The following CTNNA2 variants were observed in gnomAD, a reference collection of about 807,000 sequenced individuals.
The protein encoded by CTNNA2 is catenin alpha-2.
Under a neutral mutation model 101.0 loss-of-function variants are expected in CTNNA2, and 42 were observed. The observed-to-expected ratio is 0.42, with a 90% CI of 0.32 to 0.54. The LOEUF is 0.54. CTNNA2 is among the 20% of genes least tolerant of loss of function. The probability of loss-of-function intolerance (pLI) is 0.14; values close to 1 mark genes in which losing one functional copy is unlikely to be tolerated. For synonymous variants in CTNNA2, 450 were observed against 456.4 expected (o/e 0.99, Z 0.18); for missense variants, 871 against 1,223.1 (o/e 0.71, Z 4.29).
At chr2:80,006,684 A>G (rs1303963852) in intron 7 of CTNNA2, among the ~76,000 whole-genome samples, 2 of 152,158 alleles carry the variant, frequency 1.3e-5, no homozygotes, top group African/African-American at 4.8e-5. Flanking sequence ...AGTTTCCAGG[A>G]TGGGTGTGGA....
intron 2 of CTNNA2, among the ~76,000 whole-genome samples, chr2:79,728,438 C>T (rs916131561): frequency 1.3e-5 from 2 of 151,920 alleles, no homozygotes; most frequent in African/African-American, 4.8e-5. Context: ...TTGTTTTTTT[C>T]TTGTAAATTT....
intron 7 of CTNNA2, among the ~76,000 whole-genome samples, chr2:80,309,931 A>G (rs1015307522): frequency 2.3e-5 from 3 of 133,158 alleles, no homozygotes; most frequent in Non-Finnish European, 4.9e-5. Context: ...AACAAACTCT[A>G]ATAGAGTTTG....
At chr2:79,547,320 C>G (rs1673800312) in intron 1 of CTNNA2, 1 of 152,114 alleles carries the variant, frequency 6.6e-6, no homozygotes, top group African/African-American at 2.4e-5. Context: ...TTAAGAATTG[C>G]TCTCCCATAT....
chr2:79,690,367 A>C lies in CTNNA2; in HGVS notation c.102+38709A>C, dbSNP rs536057620. On this transcript the variant is annotated intron_variant, in intron 2 of 18. Coordinates refer to ENST00000402739, the MANE Select transcript of CTNNA2 (RefSeq NM_001282597.3). ...TTACTCAAAAATAAAGTTGAAATAA[A>C]GACACTTTCATATAAAGAAAACCTT... is the stretch of plus-strand genomic sequence containing the variant. 2.2e-4 allele frequency among the ~76,000 whole-genome samples: 34 copies of C among 152,158 alleles called. No individual in the cohort carries two copies. The East Asian group carries it at 5.8e-3, about 26-fold the overall frequency.
intron 11 of CTNNA2, among the ~76,000 whole-genome samples, chr2:80,547,934 C>T (rs989352957): frequency 6.6e-6 from 1 of 152,000 alleles, no homozygotes; most frequent in East Asian, 1.9e-4. Context: ...TCAGGTGATC[C>T]GCCCGCCTTG....
chr2:79,265,265 G>C (rs1674973816), intron 2 of CTNNA2, among the ~76,000 whole-genome samples: 1 of 152,164 alleles, frequency 6.6e-6, no homozygotes, highest in Non-Finnish European at 1.5e-5. Flanking sequence ...ATCTGAGTCA[G>C]GTGACTCCGG....
intron 7 of CTNNA2, chr2:80,163,012 G>A: frequency 5.1e-6 from 8 of 1,557,290 alleles, no homozygotes; most frequent in Non-Finnish European, 6.2e-6. Context: ...ATTTTGATAG[G>A]CCTTCCATAA....
At chr2:79,998,622 T>C (rs2103945293) in intron 7 of CTNNA2, among the ~76,000 whole-genome samples, 1 of 152,306 alleles carries the variant, frequency 6.6e-6, no homozygotes, top group South Asian at 2.1e-4. Flanking sequence ...TTCCCAAACT[T>C]TAAAATTATG....
At chr2:79,213,026 G>T (rs1674196649) in intron 2 of CTNNA2, among the ~76,000 whole-genome samples, 1 of 152,172 alleles carries the variant, frequency 6.6e-6, no homozygotes, top group Non-Finnish European at 1.5e-5. Flanking sequence ...CGACAGAATA[G>T]AATGGGCCTG....
At chr2:79,437,046 C>T (rs1042219323) in intron 4 of CTNNA2, among the ~76,000 whole-genome samples, 2 of 151,882 alleles carry the variant, frequency 1.3e-5, no homozygotes, top group Non-Finnish European at 2.9e-5. Flanking sequence ...GTAGCCTGCC[C>T]AACATAGTGA....
At chr2:80,641,583 A>G (rs1476274373) in intron 18 of CTNNA2, among the ~76,000 whole-genome samples, 2 of 152,092 alleles carry the variant, frequency 1.3e-5, no homozygotes, top group East Asian at 1.9e-4. Context: ...ACTTTTGACA[A>G]TACTATTATT....
In CTNNA2 at chr2:79,217,586, C is replaced by G. The variant is rs1216982241; in HGVS notation, c.-406+19510C>G. 3.3e-5 allele frequency among the ~76,000 whole-genome samples: 5 copies of G among 152,218 alleles called. No homozygotes were observed. In the East Asian group the frequency reaches 9.7e-4, roughly 29 times the overall value. ...ATTTCACAAGGAGTTAAGGCAGGAA[C>G]AGGCCATTTTCATTTCTTTTGTAGT... is the stretch of plus-strand genomic sequence containing the variant. On this transcript the variant is annotated intron_variant, in intron 2 of 21. Coordinates refer to the CTNNA2 transcript ENST00000466387.
rs5832419 is a variant in CTNNA2, at chr2:79,897,365, GA to G, written c.853-12227del. 2.9e-3 allele frequency among the ~76,000 whole-genome samples: 445 copies of G among 151,748 alleles called. 15 individuals carry two copies. In the East Asian group the frequency reaches 0.074, roughly 25 times the overall value. ...AAAAAGATAAATTTAAAGTCTCGAT[GA>G]AGGAAATGGGAGATGATCATGACTT... On this transcript the variant is annotated intron_variant, in intron 6 of 18. Transcript: ENST00000402739.
At chr2:79,313,746 G>C (rs1676434308) in intron 3 of CTNNA2, among the ~76,000 whole-genome samples, 1 of 152,142 alleles carries the variant, frequency 6.6e-6, no homozygotes, top group African/African-American at 2.4e-5. Flanking sequence ...TGAGGAAGAG[G>C]GTAGCATTGC....
At chr2:80,164,947 T>TG (rs1280031843) in intron 7 of CTNNA2, among the ~76,000 whole-genome samples, 43 of 148,000 alleles carry the variant, frequency 2.9e-4, no homozygotes, top group African/African-American at 7.9e-4. Flanking sequence ...TGGTTTTTTT[T>TG]TTTTTTTTTT....
chr2:80,613,153 T>G (rs1698599863), intron 17 of CTNNA2, among the ~76,000 whole-genome samples: 1 of 151,448 alleles, frequency 6.6e-6, no homozygotes, highest in African/African-American at 2.4e-5. Context: ...GTTGCATGAT[T>G]CCATATTTTC....
intron 1 of CTNNA2, among the ~76,000 whole-genome samples, chr2:79,559,879 T>C (rs1450556648): frequency 6.6e-6 from 1 of 151,820 alleles, no homozygotes; most frequent in Admixed American, 6.6e-5. Flanking sequence ...TGATAATAAA[T>C]TCATATGTAA....
intron 7 of CTNNA2, among the ~76,000 whole-genome samples, chr2:79,989,295 A>C (rs1691996471): frequency 6.6e-6 from 1 of 152,204 alleles, no homozygotes; most frequent in Non-Finnish European, 1.5e-5. Flanking sequence ...TTGAGATAGA[A>C]GCACTTCTTC....
intron 7 of CTNNA2, among the ~76,000 whole-genome samples, chr2:80,009,148 C>T: frequency 6.6e-6 from 1 of 152,258 alleles, no homozygotes; most frequent in African/African-American, 2.4e-5. Context: ...CCAAAGCTTA[C>T]CTGAGTATAT....
Sources: allele counts gnomAD v4.1 joint callset (sites outside exome capture counted in the v4.1 genomes callset), GRCh38; gene constraint gnomAD v4.1.1; transcripts MANE v1.5; gene names NCBI Gene and HGNC (gene_info 2026-07-23, HGNC 2026-07-21).